ADAM12: variants seen among roughly 807,000 people sequenced by gnomAD.
The protein encoded by ADAM12 is ADAM metallopeptidase domain 12.
ADAM12 carries 70 observed loss-of-function variants against 106.4 expected under a neutral mutation model. That is an observed-to-expected ratio of 0.66 (90% CI 0.54 to 0.80). The LOEUF (loss-of-function observed/expected upper bound fraction) is 0.80, where lower values mean the gene tolerates loss of function less well. Ranked by LOEUF, ADAM12 falls within the 30% of genes least tolerant of loss-of-function variation. ADAM12 has a pLI of 0.00. For synonymous variants in ADAM12, 420 were observed against 433.5 expected (o/e 0.97, Z 0.39); for missense variants, 1,010 against 1,171.9 (o/e 0.86, Z 2.02).
Position 126,051,560 on chromosome 10 carries a change from T to C in ADAM12, c.1610-1891A>G, listed in dbSNP as rs140062357. Among the ~76,000 whole-genome samples, 652 of 106,704 alleles carry C rather than the reference T, an allele frequency of 6.1e-3. 13 individuals carry two copies. The highest frequency in any genetic ancestry group is 0.029 in the African/African-American group (626 of 21,536). The allele number at this position is 106,704 out of a possible 152,430, so 70.0% of individuals were successfully genotyped here. On this transcript the variant is annotated intron_variant, in intron 14 of 22. Coordinates refer to ENST00000448723, the MANE Select transcript of ADAM12 (RefSeq NM_001288973.2). The stretch of plus-strand genomic sequence containing the variant: ...ACCCATCCATCCATCCATCCATCCA[T>C]CCATCCATCCATCCATCCATCCATC...
At chr10:126,159,969 C>T (rs539529823) in intron 3 of ADAM12, among the ~76,000 whole-genome samples, 4 of 152,306 alleles carry the variant, frequency 2.6e-5, no homozygotes, top group African/African-American at 7.2e-5. Flanking sequence ...GCTTACAGCC[C>T]TGACCATGTC....
intron 2 of ADAM12, among the ~76,000 whole-genome samples, chr10:126,310,209 G>A (rs1961022592): frequency 6.6e-6 from 1 of 151,580 alleles, no homozygotes; most frequent in African/African-American, 2.4e-5. Context: ...TTCTGAAAGG[G>A]TCCAGAGATG....
intron 14 of ADAM12, among the ~76,000 whole-genome samples, chr10:126,062,766 G>A (rs1030697547): frequency 6.6e-6 from 1 of 152,284 alleles, no homozygotes; most frequent in East Asian, 1.9e-4. Flanking sequence ...TCCAAGTGTT[G>A]TGTGTGCTCT....
intron 1 of ADAM12, among the ~76,000 whole-genome samples, chr10:126,357,959 T>C (rs577780193): frequency 5.9e-5 from 9 of 152,088 alleles, no homozygotes; most frequent in Non-Finnish European, 8.8e-5. Context: ...TTCCAAAAAT[T>C]GAAGAGGAAA....
chr10:126,192,737 G>A (rs1228354408), intron 3 of ADAM12, among the ~76,000 whole-genome samples: 1 of 152,208 alleles, frequency 6.6e-6, no homozygotes, highest in East Asian at 1.9e-4. Context: ...AAGAATACTT[G>A]AAAAGATCAA....
intron 2 of ADAM12, among the ~76,000 whole-genome samples, chr10:126,327,157 G>T (rs920019262): frequency 1.4e-4 from 21 of 152,186 alleles, no homozygotes; most frequent in Admixed American, 1.4e-3. Flanking sequence ...GTGGGGCTGT[G>T]GTTAGTGCCT....
chr10:126,098,389 A>C, intron 10 of ADAM12, 27 bp downstream of exon 10: 1 of 1,589,066 alleles, frequency 6.3e-7, no homozygotes, highest in Non-Finnish European at 8.6e-7. Flanking sequence ...TATCAAGGGG[A>C]ACCAGCTCCC....
chr10:126,379,070 G>T (rs1856399921), intron 1 of ADAM12, among the ~76,000 whole-genome samples: 2 of 152,104 alleles, frequency 1.3e-5, no homozygotes, highest in South Asian at 4.1e-4. Context: ...AACCAAAATA[G>T]GAAGGCTTTT....
intron 3 of ADAM12, among the ~76,000 whole-genome samples, chr10:126,165,142 T>A (rs1202874802): frequency 6.6e-6 from 1 of 152,152 alleles, no homozygotes; most frequent in Non-Finnish European, 1.5e-5. Context: ...TGTTCATTGT[T>A]TGCTCACAGG....
rs530479804 is a variant in ADAM12, at chr10:126,017,502, G to A, written c.2661-163C>T. Among the ~76,000 whole-genome samples, 13 of 152,170 alleles carry A rather than the reference G, an allele frequency of 8.5e-5. No individual in the cohort carries two copies. The South Asian group carries it at 1.5e-3, about 17-fold the overall frequency. ...GGGTGGGAAACCTGTCTCCAAAGCC[G>A]CACTTCCCACCCACAAGTCAACTCT... On this transcript the variant is annotated intron_variant, in intron 22 of 22. Transcript: ENST00000448723.
chr10:126,295,806 G>T (rs1179718506), intron 2 of ADAM12, among the ~76,000 whole-genome samples: 1 of 151,848 alleles, frequency 6.6e-6, no homozygotes, highest in African/African-American at 2.4e-5. Flanking sequence ...CAAAATTATG[G>T]AATGTAAAGT....
rs898196376 is a variant in ADAM12, at chr10:126,020,494, C to G, written c.2530-669G>C. ...GGCCAGGGAAGGTGGGGTTATTCCA[C>G]GCTAGGTTTTAGCCAAAAATGATGC... On this transcript the variant is annotated intron_variant, in intron 21 of 22. Transcript: ENST00000448723. Among the ~76,000 whole-genome samples the G allele has an allele frequency of 2.0e-5, 3 of 152,078 alleles. No individual in the cohort carries two copies. In the East Asian group the frequency reaches 5.8e-4, roughly 29 times the overall value.
chr10:126,058,704 T>C (rs1246808904), intron 14 of ADAM12, among the ~76,000 whole-genome samples: 1 of 152,166 alleles, frequency 6.6e-6, no homozygotes, highest in East Asian at 1.9e-4. Context: ...CTGATCCCGG[T>C]CAGGATAGCG....
chr10:126,200,109 T>C (rs1173595250), intron 3 of ADAM12, among the ~76,000 whole-genome samples: 1 of 152,098 alleles, frequency 6.6e-6, no homozygotes, highest in East Asian at 1.9e-4. Context: ...ATTCTATGAA[T>C]TGGTATTTCC....
At chr10:126,161,574 G>A (rs4962510) in intron 3 of ADAM12, among the ~76,000 whole-genome samples, 14,116 of 152,252 alleles carry the variant, frequency 0.093, 779 homozygotes, top group Admixed American at 0.12. Flanking sequence ...AGGAGCATGC[G>A]GCAGGCACTG....
chr10:126,153,389 T>C (rs748730895), intron 4 of ADAM12, among the ~76,000 whole-genome samples: 25 of 152,218 alleles, frequency 1.6e-4, no homozygotes, highest in Non-Finnish European at 3.1e-4. Context: ...TTTAGTTTAG[T>C]TATTCCAAGT....
intron 1 of ADAM12, among the ~76,000 whole-genome samples, chr10:126,384,742 G>A (rs1359014782): frequency 2.6e-5 from 4 of 152,210 alleles, no homozygotes; most frequent in African/African-American, 9.6e-5. Context: ...CTCACTCTCA[G>A]TACCGAATGT....
intron 5 of ADAM12, among the ~76,000 whole-genome samples, chr10:126,133,205 C>G (rs1194558158): frequency 6.6e-6 from 1 of 152,120 alleles, no homozygotes; most frequent in African/African-American, 2.4e-5. Flanking sequence ...TGGTGGTGAA[C>G]AGTTGTCATC....
chr10:126,365,555 T>C (rs1230986248), intron 1 of ADAM12, among the ~76,000 whole-genome samples: 1 of 152,100 alleles, frequency 6.6e-6, no homozygotes, highest in African/African-American at 2.4e-5. Flanking sequence ...CTCAGGAAAC[T>C]TGTGATCATA....
Sources: allele counts gnomAD v4.1 joint callset (sites outside exome capture counted in the v4.1 genomes callset), GRCh38; gene constraint gnomAD v4.1.1; transcripts MANE v1.5; gene names NCBI Gene and HGNC (gene_info 2026-07-23, HGNC 2026-07-21).